Variants in MAPT observed in about 807,000 individuals in gnomAD.
The protein encoded by MAPT is microtubule associated protein tau, also known as microtubule-associated protein tau.
A neutral mutation model predicts 67.9 loss-of-function variants in MAPT; 34 were observed. The ratio of observed to expected loss-of-function variants is 0.50; its 90% CI spans 0.38 to 0.67. The LOEUF is 0.67. Ranked by LOEUF, MAPT falls within the 30% of genes least tolerant of loss-of-function variation. The probability of loss-of-function intolerance (pLI) is 0.00; values close to 1 mark genes in which losing one functional copy is unlikely to be tolerated. For missense variants in MAPT, 881 were observed against 1,115.2 expected (o/e 0.79, Z 2.99); for synonymous variants, 456 against 464.5 (o/e 0.98, Z 0.23).
At chr17:45,938,810 A>ATTTTT (rs368157488) in intron 1 of MAPT, among the ~76,000 whole-genome samples, 10 of 118,080 alleles carry the variant, frequency 8.5e-5, no homozygotes, top group Non-Finnish European at 1.2e-4. Context: ...TGCCCAGCTA[A>ATTTTT]TTTTTTTTTT....
chr17:45,954,294 C>T (rs1411345966), intron 1 of MAPT, among the ~76,000 whole-genome samples: 1 of 152,172 alleles, frequency 6.6e-6, no homozygotes, highest in Non-Finnish European at 1.5e-5. Context: ...ACAGAGACCA[C>T]GTGGCCCACA....
intron 8 of MAPT, among the ~76,000 whole-genome samples, chr17:45,993,363 C>T (rs1226223655): frequency 6.6e-6 from 1 of 152,048 alleles, no homozygotes; most frequent in South Asian, 2.1e-4. Context: ...GCGTTTGGAT[C>T]CTGCTGTTTT....
chr17:45,969,234 A>T (rs1265094197), intron 2 of MAPT: 1 of 152,236 alleles, frequency 6.6e-6, no homozygotes, highest in Non-Finnish European at 1.5e-5. Context: ...CACTGGGAAG[A>T]CTGGAGAGGC....
chr17:45,905,906 G>A (rs1028156661), intron 1 of MAPT, among the ~76,000 whole-genome samples: 8 of 152,248 alleles, frequency 5.3e-5, no homozygotes, highest in African/African-American at 1.9e-4. Flanking sequence ...GCCGCAGTCA[G>A]GTGCTGATCT....
intron 10 of MAPT, among the ~76,000 whole-genome samples, chr17:46,012,044 G>A (rs1037573353): frequency 4.6e-5 from 7 of 152,084 alleles, no homozygotes; most frequent in African/African-American, 1.2e-4. Flanking sequence ...ACCCCTGCCC[G>A]GGCCCTTGTT....
rs1240322612 is a variant in MAPT at position 45,915,517 on chromosome 17, A to G, written c.-18+20831A>G. Reference sequence around the variant, plus strand: ...TGTGGTGTGTGAGCATGTGTGTGTGATGTGTCTGTGTGTGGTGTGTGTGAG... The same window carrying G: ...TGTGGTGTGTGAGCATGTGTGTGTGGTGTGTCTGTGTGTGGTGTGTGTGAG... On this transcript the variant is annotated intron_variant, in intron 1 of 12. Coordinates refer to ENST00000262410, the MANE Select transcript of MAPT (RefSeq NM_001377265.1). This position sits in a 1 kb window ranked among gnomAD's most constrained non-coding sequence, Gnocchi z 4.4. Among the ~76,000 whole-genome samples, 4 of 137,190 alleles carry G rather than the reference A, an allele frequency of 2.9e-5. No individual in the cohort carries two copies. The highest frequency in any genetic ancestry group is 6.3e-5 in the Non-Finnish European group (4 of 64,000). 90.0% of individuals were successfully genotyped at this position (137,190 alleles called of 152,430 possible). A position where few individuals can be genotyped will look rare whatever the true frequency, so the allele number is the denominator to read the frequency against.
At chr17:45,978,967 C>T (rs2072671938) in intron 4 of MAPT, 1 of 152,330 alleles carries the variant, frequency 6.6e-6, no homozygotes, top group South Asian at 2.1e-4. Context: ...CGCATCATTG[C>T]ACTCCAGCCT....
chr17:45,994,451 C>G (rs766390958), intron 8 of MAPT, among the ~76,000 whole-genome samples: 52 of 152,080 alleles, frequency 3.4e-4, no homozygotes, highest in Non-Finnish European at 7.4e-4. Context: ...GAGGCCCCAT[C>G]TGTTGTTTCC....
At chr17:45,958,832 G>C (rs1008182180) in intron 1 of MAPT, among the ~76,000 whole-genome samples, 1 of 152,102 alleles carries the variant, frequency 6.6e-6, no homozygotes, top group East Asian at 1.9e-4. Flanking sequence ...GGAGGCTGAG[G>C]CAGGCAGATC....
intron 1 of MAPT, among the ~76,000 whole-genome samples, chr17:45,929,473 T>G (rs540458772): frequency 6.6e-6 from 1 of 152,236 alleles, no homozygotes; most frequent in Admixed American, 6.5e-5. Context: ...CCAGCTTAGG[T>G]ACAGCTGGAT....
chr17:45,942,359 GT>G (rs1322018285), intron 1 of MAPT, among the ~76,000 whole-genome samples: 1 of 152,234 alleles, frequency 6.6e-6, no homozygotes, highest in East Asian at 1.9e-4. Context: ...CCAGGACACG[GT>G]TTTGGCTCTG....
At chr17:45,987,735 C>T (rs1191227710) in intron 6 of MAPT, among the ~76,000 whole-genome samples, 2 of 152,214 alleles carry the variant, frequency 1.3e-5, no homozygotes, top group Non-Finnish European at 2.9e-5. Flanking sequence ...TCTGAGCATT[C>T]AGTGGTGTGT....
chr17:45,922,394 T>C (rs1056010464), intron 1 of MAPT, among the ~76,000 whole-genome samples: 1 of 151,854 alleles, frequency 6.6e-6, no homozygotes, highest in Non-Finnish European at 1.5e-5. Context: ...ACCTTAAAGT[T>C]TGAAAATGTC....
chr17:45,961,701 T>C (rs939262804), intron 1 of MAPT, among the ~76,000 whole-genome samples: 11 of 151,892 alleles, frequency 7.2e-5, no homozygotes, highest in African/African-American at 2.7e-4. Flanking sequence ...ATTTTTTTAA[T>C]GAAGTGGAAA....
chr17:45,941,741 T>TCCTTCCTG (rs2068011969), intron 1 of MAPT, among the ~76,000 whole-genome samples: 24 of 129,656 alleles, frequency 1.9e-4, no homozygotes, highest in African/African-American at 6.6e-4. Flanking sequence ...CTTCCTTCCT[T>TCCTTCCTG]CCTTCCTTCC....
At chr17:46,023,892 AGTTGGCAGGGCT>A (rs1162744720) in intron 12 of MAPT, 52 bp from the exon 13 acceptor site, 2 of 1,372,034 alleles carry the variant, frequency 1.5e-6, no homozygotes, top group African/African-American at 2.8e-5. Context: ...CTGGCAGGGC[AGTTGGCAGGGCT>A]GGTCTTTCTC....
In MAPT at chr17:45,897,832, T is replaced by C. The variant is rs2143678327; in HGVS notation, c.-18+3146T>C. On this transcript the variant is annotated intron_variant, in intron 1 of 12. Coordinates refer to ENST00000262410, the MANE Select transcript of MAPT (RefSeq NM_001377265.1). The surrounding 1 kb of genome is among the most constrained non-coding windows in gnomAD (Gnocchi z 5.0). ...CCAGGCTCAGCAGGACCAATTTGAG[T>C]TCTATCTGATCCCCCTCGGCCCCTT... 6.6e-6 allele frequency: 1 copy of C among 152,300 alleles called. No homozygotes were observed. Among genetic ancestry groups the C allele is most frequent in the Non-Finnish European group, 1.5e-5 (1 of 68,164 alleles). The allele number at this position is 152,300 out of a possible 1,614,324, so 9.4% of individuals were successfully genotyped here.
intron 9 of MAPT, among the ~76,000 whole-genome samples, chr17:46,002,696 A>G (rs543343887): frequency 6.6e-6 from 1 of 152,160 alleles, no homozygotes; most frequent in South Asian, 2.1e-4. Context: ...GCAATATTCA[A>G]GATGGCCACA....
intron 1 of MAPT, among the ~76,000 whole-genome samples, chr17:45,934,539 G>A (rs2067145163): frequency 6.6e-6 from 1 of 152,264 alleles, no homozygotes; most frequent in Middle Eastern, 3.4e-3. Context: ...GGTTGAGAAC[G>A]TATGTCCTGC....
Sources: allele counts gnomAD v4.1 joint callset (sites outside exome capture counted in the v4.1 genomes callset), GRCh38; gene constraint gnomAD v4.1.1; non-coding constraint Gnocchi (gnomAD v3.1); transcripts MANE v1.5; gene names NCBI Gene and HGNC (gene_info 2026-07-23, HGNC 2026-07-21).